Variants in GRXCR2 observed in about 807,000 individuals in gnomAD.
GRXCR2 encodes the protein glutaredoxin domain-containing cysteine-rich protein 2.
Under a neutral mutation model 24.8 loss-of-function variants are expected in GRXCR2, and 23 were observed. The observed-to-expected ratio is 0.93, with a 90% CI of 0.67 to 1.32. The LOEUF (loss-of-function observed/expected upper bound fraction) is 1.32. GRXCR2 is among the 40% of genes most tolerant of loss of function. The pLI, the probability that GRXCR2 is intolerant of heterozygous loss-of-function variation, is 0.00. For synonymous variants in GRXCR2, 130 were observed against 116.1 expected, an observed-to-expected ratio of 1.12 and a Z score of -0.77; for missense variants, 315 against 303.4, an observed-to-expected ratio of 1.04 and a Z score of -0.28.
intron 2 of GRXCR2, among the ~76,000 whole-genome samples, chr5:145,929,893 A>G (rs1306107688): frequency 2.0e-5 from 3 of 152,058 alleles, no homozygotes; most frequent in Non-Finnish European, 4.4e-5. Flanking sequence ...GTTCTTCACA[A>G]TCACTTCCGT....
chr5:145,895,630 G>A (rs1756937997), intron 2 of GRXCR2, among the ~76,000 whole-genome samples: 1 of 152,170 alleles, frequency 6.6e-6, no homozygotes, highest in South Asian at 2.1e-4. Flanking sequence ...TGAAATAAAA[G>A]AGGATAAAAA....
chr5:145,889,239 A>T (rs566610221), intron 2 of GRXCR2, among the ~76,000 whole-genome samples: 9 of 146,920 alleles, frequency 6.1e-5, no homozygotes, highest in South Asian at 2.2e-4. Flanking sequence ...AAAGAAAGAA[A>T]GAAAGAATTA....
At chr5:145,911,658 C>G (rs531246576) in intron 2 of GRXCR2, among the ~76,000 whole-genome samples, 2 of 152,308 alleles carry the variant, frequency 1.3e-5, no homozygotes, top group South Asian at 2.1e-4. Context: ...TTTCTGAAAT[C>G]CCCTTCAGAT....
At chr5:145,873,060 T>A (rs772146877), upstream of GRXCR2, 3 of 959,480 alleles carry the variant, frequency 3.1e-6, no homozygotes, top group Non-Finnish European at 3.2e-6. Context: ...TCTCTCCTCC[T>A]GCATATAATT....
chr5:145,903,220 G>A (rs1757046649), intron 2 of GRXCR2, among the ~76,000 whole-genome samples: 1 of 152,014 alleles, frequency 6.6e-6, no homozygotes, highest in African/African-American at 2.4e-5. Flanking sequence ...CACATATCAG[G>A]GCCCTGAGAA....
At position 145,896,934 on chromosome 5, in the gene GRXCR2, C is replaced by G. The variant is rs1331061726; in HGVS notation, c.-69-30206G>C. Among the ~76,000 whole-genome samples the G allele has an allele frequency of 8.5e-5, 13 of 152,126 alleles. No homozygotes were observed. In the East Asian group the frequency reaches 2.3e-3, roughly 27 times the overall value. ...ATTAAGAAAATGTGGCACATATACA[C>G]CATGGAATACTATGCAGCCATAAAA... On this transcript the variant is annotated intron_variant, in intron 2 of 3. Transcript: ENST00000639411.
At chr5:145,866,768 A>G (rs372492111) in intron 1 of GRXCR2, 40 bp from the exon 2 acceptor site, 4 of 1,294,238 alleles carry the variant, frequency 3.1e-6, no homozygotes, top group East Asian at 2.3e-5. Flanking sequence ...TTTACCACCA[A>G]TCACCAAGTA....
At chr5:145,892,006 G>A (rs1561683976) in intron 2 of GRXCR2, among the ~76,000 whole-genome samples, 1 of 152,246 alleles carries the variant, frequency 6.6e-6, no homozygotes, top group African/African-American at 2.4e-5. Context: ...CTCCACTGCT[G>A]ATACCCAGGC....
At chr5:145,872,282 A>G (rs1276012803) in intron 1 of GRXCR2, among the ~76,000 whole-genome samples, 1 of 152,226 alleles carries the variant, frequency 6.6e-6, no homozygotes, top group Non-Finnish European at 1.5e-5. Context: ...TTCAGGAAAC[A>G]AAATGACTGC....
At position 145,870,727 on chromosome 5, in the gene GRXCR2, C is replaced by G. The variant is rs146767770; in HGVS notation, c.336+1906G>C. Among the ~76,000 whole-genome samples the G allele has an allele frequency of 1.3e-4, 20 of 152,206 alleles. No individual in the cohort carries two copies. The East Asian group carries it at 3.7e-3, about 28-fold the overall frequency. On this transcript the variant is annotated intron_variant, in intron 1 of 2. Transcript: ENST00000377976. The stretch of plus-strand genomic sequence containing the variant: ...ATAAATACCACATTGACAAATGATT[C>G]CAGGGTGTGCAGCTACATGAATCCA...
chr5:145,873,397 T>C (rs750735254), upstream of GRXCR2, among the ~76,000 whole-genome samples: 5 of 152,214 alleles, frequency 3.3e-5, no homozygotes, highest in Non-Finnish European at 7.3e-5. Flanking sequence ...CCAGAGATTG[T>C]TACATGCATT....
chr5:145,872,942 A>G lies in GRXCR2; in HGVS notation c.27T>C (p.Asn9=). 2 of 1,614,034 alleles carry G rather than the reference A, an allele frequency of 1.2e-6. No individual in the cohort carries two copies. Among genetic ancestry groups the G allele is most frequent in the African/African-American group, 1.3e-5 (1 of 75,040 alleles). Residue 9 remains asparagine, a synonymous_variant, in exon 1 of 3, where the codon AAT becomes AAC. Coordinates refer to ENST00000377976, the MANE Select transcript of GRXCR2 (RefSeq NM_001080516.2). The stretch of plus-strand genomic sequence containing the variant: ...TCCGGGGTTTGCCATCACTCTTCTG[A>G]TTCAGCTTTTTCTCAGGGTCCTCCA... MEDPEKKL[N]QKSDGKPRKV...
At chr5:145,889,201 A>AAAGAAAGAAAGAAAGG (rs1561683155) in intron 2 of GRXCR2, among the ~76,000 whole-genome samples, 23 of 149,344 alleles carry the variant, frequency 1.5e-4, no homozygotes, top group African/African-American at 5.6e-4. Context: ...AGAAAGAAAG[A>AAAGAAAGAAAGAAAGG]AAGAAAGAAA....
At chr5:145,891,992 C>T (rs1242443780) in intron 2 of GRXCR2, among the ~76,000 whole-genome samples, 2 of 152,168 alleles carry the variant, frequency 1.3e-5, no homozygotes, top group Non-Finnish European at 2.9e-5. Context: ...CACTGTTCTG[C>T]AGCCTCCACT....
chr5:145,876,216 T>C (rs574310524), upstream of GRXCR2, among the ~76,000 whole-genome samples: 647 of 133,888 alleles, frequency 4.8e-3, 3 homozygotes, highest in African/African-American at 0.017. Flanking sequence ...TATATATATA[T>C]ACACACACAC....
At chr5:145,890,354 T>A (rs1581343080) in intron 2 of GRXCR2, among the ~76,000 whole-genome samples, 1 of 152,198 alleles carries the variant, frequency 6.6e-6, no homozygotes. Context: ...CCTCCCAAAG[T>A]GCTGAGATTA....
chr5:145,883,505 C>T (rs546266386), intron 2 of GRXCR2, among the ~76,000 whole-genome samples: 16 of 152,066 alleles, frequency 1.1e-4, no homozygotes, highest in African/African-American at 2.2e-4. Flanking sequence ...CATTTTAATG[C>T]GAAAAGAAAT....
chr5:145,892,685 G>T (rs1286510939), intron 2 of GRXCR2, among the ~76,000 whole-genome samples: 5 of 152,176 alleles, frequency 3.3e-5, no homozygotes, highest in Non-Finnish European at 7.3e-5. Flanking sequence ...TGGGGAGAAT[G>T]GAACCAAGTT....
In GRXCR2 at chr5:145,878,993, TGA is replaced by T. The variant is rs1386570399; in HGVS notation, c.-69-12267_-69-12266del. Among the ~76,000 whole-genome samples, 5 of 152,258 alleles carry T rather than the reference TGA, an allele frequency of 3.3e-5. No individual in the cohort carries two copies. In the South Asian group the frequency reaches 1.0e-3, roughly 32 times the overall value. On this transcript the variant is annotated intron_variant, in intron 2 of 3. Transcript: ENST00000639411. ...AAAATCTTTACAGACAAGCAAATGC[TGA>T]GAGATTTTGTCACTACCAAGCCTGC...
Sources: allele counts gnomAD v4.1 joint callset (sites outside exome capture counted in the v4.1 genomes callset), GRCh38; gene constraint gnomAD v4.1.1; transcripts MANE v1.5; gene names NCBI Gene and HGNC (gene_info 2026-07-23, HGNC 2026-07-21).